The following FAM107A variants were observed in gnomAD, a reference collection of about 807,000 sequenced individuals.
FAM107A encodes actin-associated protein FAM107A.
A neutral mutation model predicts 13.7 loss-of-function variants in FAM107A; 19 were observed. The ratio of observed to expected loss-of-function variants is 1.38; its 90% CI spans 0.97 to 2.03. FAM107A has a LOEUF of 2.03. Ranked by LOEUF, FAM107A falls within the 30% of genes most tolerant of loss-of-function variation. FAM107A has a pLI of 0.00. For missense variants in FAM107A, 203 were observed against 184.4 expected (o/e 1.10, Z -0.58); for synonymous variants, 82 against 74.5 (o/e 1.10, Z -0.52).
At chr3:58,626,970 C>T in intron 1 of FAM107A, 2 of 1,535,950 alleles carry the variant, frequency 1.3e-6, no homozygotes, top group Non-Finnish European at 1.7e-6. Flanking sequence ...GAGGTTCCTA[C>T]CTTCTTCCCC....
rs191580204 is a variant in FAM107A, at chr3:58,577,181, T to C, written c.-6+128A>G. 18 of 267,668 alleles carry C rather than the reference T, an allele frequency of 6.7e-5. No individual in the cohort carries two copies. The East Asian group carries it at 3.2e-3, about 48-fold the overall frequency. 16.6% of individuals were successfully genotyped at this position (267,668 alleles called of 1,614,324 possible). A position where few individuals can be genotyped will look rare whatever the true frequency, so the allele number is the denominator to read the frequency against. ...GATGCTGGGACATAGCCCGGGTACC[T>C]AAACTCAAAGCACTCAGGTCCACTG... On this transcript the variant is annotated intron_variant, in intron 1 of 3. Transcript: ENST00000360997. This position sits in a 1 kb window ranked among gnomAD's most constrained non-coding sequence, Gnocchi z 4.9.
At chr3:58,619,409 C>G (rs2065932765) in intron 1 of FAM107A, among the ~76,000 whole-genome samples, 1 of 152,112 alleles carries the variant, frequency 6.6e-6, no homozygotes, top group Non-Finnish European at 1.5e-5. Flanking sequence ...GTCCCTAACC[C>G]CAGAACCAGG....
rs1341507335 is a variant in FAM107A at position 58,616,575 on chromosome 3, TACCACCACCACCACCATC to T, written c.-70+10823_-70+10840del. On this transcript the variant is annotated intron_variant, in intron 1 of 3. Coordinates refer to the FAM107A transcript ENST00000465970. ...CACACACACACACACACACCACCAC[TACCACCACCACCACCATC>T]ACCACCACCACCACGTGATGACAAG... Among the ~76,000 whole-genome samples the T allele has an allele frequency of 1.6e-4, 20 of 128,956 alleles. No individual in the cohort carries two copies. The East Asian group carries it at 5.0e-3, about 32-fold the overall frequency. The allele number at this position is 128,956 out of a possible 152,430, so 84.6% of individuals were successfully genotyped here. A position where few individuals can be genotyped will look rare whatever the true frequency, so the allele number is the denominator to read the frequency against.
intron 1 of FAM107A, chr3:58,570,309 T>A (rs1386778857): frequency 1.2e-6 from 1 of 862,124 alleles, no homozygotes; most frequent in Non-Finnish European, 1.4e-6. Context: ...AATGCAGTGA[T>A]AAAAAGAAAG....
At chr3:58,620,729 C>T (rs1476245972) in intron 1 of FAM107A, among the ~76,000 whole-genome samples, 3 of 152,222 alleles carry the variant, frequency 2.0e-5, no homozygotes, top group African/African-American at 7.2e-5. Flanking sequence ...AACCCGTTCT[C>T]TTGTTGCCTT....
chr3:58,588,087 T>G (rs2065625363), upstream of FAM107A, among the ~76,000 whole-genome samples: 1 of 152,182 alleles, frequency 6.6e-6, no homozygotes, highest in African/African-American at 2.4e-5. Context: ...AGGGTGGGTA[T>G]TCCCTCCAGT....
At chr3:58,616,673 C>G (rs1225727010) in intron 1 of FAM107A, among the ~76,000 whole-genome samples, 1 of 152,084 alleles carries the variant, frequency 6.6e-6, no homozygotes, top group Admixed American at 6.5e-5. Context: ...GGGCATGGAA[C>G]AGATCCTCTG....
intron 1 of FAM107A, chr3:58,626,887 G>T: frequency 7.5e-7 from 1 of 1,339,956 alleles, no homozygotes; most frequent in Non-Finnish European, 1.0e-6. Flanking sequence ...AAGCTGCAGG[G>T]TAGGTGGGTC....
chr3:58,595,539 T>C (rs1191200724), intron 1 of FAM107A, among the ~76,000 whole-genome samples: 2 of 150,750 alleles, frequency 1.3e-5, no homozygotes, highest in African/African-American at 4.9e-5. Context: ...CCCTTGAGAA[T>C]GTACTTTTTA....
At chr3:58,601,837 G>A (rs754834644) in intron 1 of FAM107A, among the ~76,000 whole-genome samples, 8 of 152,168 alleles carry the variant, frequency 5.3e-5, no homozygotes, top group Non-Finnish European at 7.3e-5. Context: ...GTATTTGCTG[G>A]GTGGGTTTGG....
In FAM107A at chr3:58,569,595, G is replaced by T; in HGVS notation, c.170+96C>A. ...CTTCCTCAGTCTCCAGGAGCCCCAGGATGAAAGCCAGCTCTGCTTTCCTCC... is the reference window on the plus strand; with the variant it reads ...CTTCCTCAGTCTCCAGGAGCCCCAGTATGAAAGCCAGCTCTGCTTTCCTCC... On this transcript the variant is annotated intron_variant, in intron 2 of 3. Coordinates refer to ENST00000360997, the MANE Select transcript of FAM107A (RefSeq NM_001076778.3). This position sits in a 1 kb window ranked among gnomAD's most constrained non-coding sequence, Gnocchi z 5.7. 1.9e-6 allele frequency: 2 copies of T among 1,078,186 alleles called. No individual in the cohort carries two copies. Among genetic ancestry groups the T allele is most frequent in the Non-Finnish European group, 2.7e-6 (2 of 748,780 alleles). The allele number at this position is 1,078,186 out of a possible 1,614,324, so 66.8% of individuals were successfully genotyped here.
At position 58,565,638 on chromosome 3, in the gene FAM107A, G is replaced by T. The variant is rs933217879; in HGVS notation, c.*950C>A. The T allele has an allele frequency of 6.6e-6, 1 of 151,812 alleles. No homozygotes were observed. The highest frequency in any genetic ancestry group is 1.5e-5 in the Non-Finnish European group (1 of 67,954). The allele number at this position is 151,812 out of a possible 1,614,324, so 9.4% of individuals were successfully genotyped here. On this transcript the variant is annotated 3_prime_UTR_variant, in exon 4 of 4. Coordinates refer to ENST00000360997, the MANE Select transcript of FAM107A (RefSeq NM_001076778.3). Reference sequence around the variant, plus strand: ...GGGGTGGATAATGAAGGATACCTGGGGTTGCAGAAGTGGGGTGGGAATCCC... The same window carrying T: ...GGGGTGGATAATGAAGGATACCTGGTGTTGCAGAAGTGGGGTGGGAATCCC...
intron 1 of FAM107A, among the ~76,000 whole-genome samples, chr3:58,603,541 C>T (rs2065769339): frequency 6.6e-6 from 1 of 152,110 alleles, no homozygotes; most frequent in South Asian, 2.1e-4. Flanking sequence ...GATGTGGGCT[C>T]AGCTGAAGTC....
rs1462850161 is a variant in FAM107A, at chr3:58,613,599, C to T, written c.-70+13817G>A. Among the ~76,000 whole-genome samples the T allele has an allele frequency of 6.6e-6, 1 of 152,230 alleles. No individual in the cohort carries two copies. The highest frequency in any genetic ancestry group is 1.5e-5 in the Non-Finnish European group (1 of 68,042). ...TGTAAGCAGATCTTTCTACCTAGAACACTGTTGCCCTCTTTTTGCCTGGCT... is the reference window on the plus strand; with the variant it reads ...TGTAAGCAGATCTTTCTACCTAGAATACTGTTGCCCTCTTTTTGCCTGGCT... On this transcript the variant is annotated intron_variant, in intron 1 of 3. Coordinates refer to the FAM107A transcript ENST00000465970. This position sits in a 1 kb window ranked among gnomAD's most constrained non-coding sequence, Gnocchi z 4.6.
chr3:58,620,596 A>G (rs1338158747), intron 1 of FAM107A, among the ~76,000 whole-genome samples: 1 of 152,220 alleles, frequency 6.6e-6, no homozygotes, highest in Non-Finnish European at 1.5e-5. Context: ...GTCTTGGAAG[A>G]GGCGGTTCCA....
Position 58,569,634 on chromosome 3 carries a change from C to T in FAM107A, c.170+57G>A. 6.9e-7 allele frequency: 1 copy of T among 1,446,782 alleles called. No individual in the cohort carries two copies. The highest frequency in any genetic ancestry group is 9.4e-7 in the Non-Finnish European group (1 of 1,062,408). The allele number at this position is 1,446,782 out of a possible 1,614,324, so 89.6% of individuals were successfully genotyped here. A position where few individuals can be genotyped will look rare whatever the true frequency, so the allele number is the denominator to read the frequency against. Reference sequence around the variant, plus strand: ...CTGCTTTCCTCCAGGGTCACCTTCCCCATCCCCCACAGGCCCAGGTGCTTG... The same window carrying T: ...CTGCTTTCCTCCAGGGTCACCTTCCTCATCCCCCACAGGCCCAGGTGCTTG... On this transcript the variant is annotated intron_variant, in intron 2 of 3. Coordinates refer to ENST00000360997, the MANE Select transcript of FAM107A (RefSeq NM_001076778.3). This position sits in a 1 kb window ranked among gnomAD's most constrained non-coding sequence, Gnocchi z 5.7.
At position 58,565,409 on chromosome 3, in the gene FAM107A, A is replaced by C. The variant is rs904142084; in HGVS notation, c.*1179T>G. The C allele has an allele frequency of 2.0e-5, 3 of 149,614 alleles. No individual in the cohort carries two copies. The highest frequency in any genetic ancestry group is 3.0e-5 in the Non-Finnish European group (2 of 67,374). The allele number at this position is 149,614 out of a possible 1,614,324, so 9.3% of individuals were successfully genotyped here. A position where few individuals can be genotyped will look rare whatever the true frequency, so the allele number is the denominator to read the frequency against. On this transcript the variant is annotated 3_prime_UTR_variant, in exon 4 of 4. Coordinates refer to ENST00000360997, the MANE Select transcript of FAM107A (RefSeq NM_001076778.3). The stretch of plus-strand genomic sequence containing the variant: ...AATCATTGTATATTTGCTTTCCATA[A>C]GACTAGGAAAAAGTAAAAAAAAAAA...
At chr3:58,615,629 C>G (rs1171940056) in intron 1 of FAM107A, among the ~76,000 whole-genome samples, 2 of 152,114 alleles carry the variant, frequency 1.3e-5, no homozygotes, top group South Asian at 4.1e-4. Context: ...GGCGCAGTGC[C>G]TTATGCCTGT....
Position 58,565,891 on chromosome 3 carries a change from T to C in FAM107A, c.*697A>G, listed in dbSNP as rs949740217. The stretch of plus-strand genomic sequence containing the variant: ...TGATTTTTATGCACAATCAAGTTTG[T>C]GAGGCACCGCTGCAGACTTCTGAGT... On this transcript the variant is annotated 3_prime_UTR_variant, in exon 4 of 4. Coordinates refer to ENST00000360997, the MANE Select transcript of FAM107A (RefSeq NM_001076778.3). 6.6e-6 allele frequency: 1 copy of C among 152,176 alleles called. No individual in the cohort carries two copies. The highest frequency in any genetic ancestry group is 2.4e-5 in the African/African-American group (1 of 41,428). 9.4% of individuals were successfully genotyped at this position (152,176 alleles called of 1,614,324 possible).
Sources: allele counts gnomAD v4.1 joint callset (sites outside exome capture counted in the v4.1 genomes callset), GRCh38; gene constraint gnomAD v4.1.1; non-coding constraint Gnocchi (gnomAD v3.1); transcripts MANE v1.5; gene names NCBI Gene and HGNC (gene_info 2026-07-23, HGNC 2026-07-21).